CHMP4C: variants seen among roughly 807,000 people sequenced by gnomAD.
CHMP4C encodes SNF7 homolog associated with Alix 3.
In CHMP4C, 28 loss-of-function variants were observed where a neutral mutation model predicts 29.0. That is an observed-to-expected ratio of 0.97 (90% CI 0.72 to 1.32). The LOEUF is 1.32. CHMP4C is among the 40% of genes most tolerant of loss of function. The probability of loss-of-function intolerance (pLI) is 0.00; values close to 1 mark genes in which losing one functional copy is unlikely to be tolerated. For synonymous variants in CHMP4C, 106 were observed against 102.4 expected, an observed-to-expected ratio of 1.04 and a Z score of -0.21; for missense variants, 291 against 281.0, an observed-to-expected ratio of 1.04 and a Z score of -0.25.
chr8:81,737,269 G>A (rs1417438955), intron 1 of CHMP4C, among the ~76,000 whole-genome samples: 1 of 152,158 alleles, frequency 6.6e-6, no homozygotes, highest in Non-Finnish European at 1.5e-5. Flanking sequence ...TGACTGGAGT[G>A]GGGATCAGGC....
At chr8:81,757,402 T>C (rs1177768909) in intron 3 of CHMP4C, among the ~76,000 whole-genome samples, 2 of 152,188 alleles carry the variant, frequency 1.3e-5, no homozygotes, top group African/African-American at 4.8e-5. Flanking sequence ...TCCCAAATTC[T>C]CTCTGAGAGG....
At chr8:81,740,236 G>A (rs1260113458) in intron 1 of CHMP4C, among the ~76,000 whole-genome samples, 1 of 152,184 alleles carries the variant, frequency 6.6e-6, no homozygotes, top group Non-Finnish European at 1.5e-5. Context: ...CAACCCTTTT[G>A]GCACCAGGGA....
At chr8:81,754,804 G>A (rs1279726841) in intron 2 of CHMP4C, among the ~76,000 whole-genome samples, 1 of 152,170 alleles carries the variant, frequency 6.6e-6, no homozygotes, top group Non-Finnish European at 1.5e-5. Flanking sequence ...TAATTCTTCT[G>A]AGGGCTGTAT....
intron 1 of CHMP4C, among the ~76,000 whole-genome samples, chr8:81,741,037 G>A (rs1380707653): frequency 3.3e-5 from 5 of 152,152 alleles, no homozygotes; most frequent in Admixed American, 6.5e-5. Flanking sequence ...CTTCTAACTC[G>A]TCAGAAACTG....
At chr8:81,739,418 T>TGG (rs66536613) in intron 1 of CHMP4C, among the ~76,000 whole-genome samples, 49,600 of 93,008 alleles carry the variant, frequency 0.53, 13,026 homozygotes, top group Admixed American at 0.62. Flanking sequence ...TGGGGGATTG[T>TGG]GGGGGGGGGT....
intron 1 of CHMP4C, among the ~76,000 whole-genome samples, chr8:81,750,982 A>T (rs901778405): frequency 4.6e-5 from 7 of 152,166 alleles, no homozygotes; most frequent in Non-Finnish European, 7.4e-5. Flanking sequence ...AAAAGAGATT[A>T]TTTGCAAAGG....
intron 1 of CHMP4C, 43 bp from the exon 2 acceptor site, chr8:81,753,021 T>C (rs374422729): frequency 5.5e-5 from 83 of 1,520,446 alleles, no homozygotes; most frequent in Non-Finnish European, 6.7e-5. Flanking sequence ...TGATTTAGTG[T>C]CTCTTTCTCT....
At chr8:81,741,682 A>T (rs933874787) in intron 1 of CHMP4C, among the ~76,000 whole-genome samples, 1 of 152,170 alleles carries the variant, frequency 6.6e-6, no homozygotes. Context: ...ATCTATTTGT[A>T]CTTTTAAGGA....
chr8:81,758,405 G>T, intron 4 of CHMP4C, 75 bp from the exon 5 acceptor site: 1 of 1,539,564 alleles, frequency 6.5e-7, no homozygotes, highest in Middle Eastern at 1.7e-4. Context: ...ATTTTTATAT[G>T]TAATTCATAC....
At chr8:81,744,364 C>CT (rs1445760219) in intron 1 of CHMP4C, among the ~76,000 whole-genome samples, 2 of 152,090 alleles carry the variant, frequency 1.3e-5, no homozygotes, top group African/African-American at 4.8e-5. Context: ...TGTGTAATAC[C>CT]TTTTTCATCA....
chr8:81,743,493 T>C (rs1393543237), intron 1 of CHMP4C, among the ~76,000 whole-genome samples: 1 of 152,078 alleles, frequency 6.6e-6, no homozygotes, highest in African/African-American at 2.4e-5. Flanking sequence ...CTGACTGGTA[T>C]CAAACAATTA....
chr8:81,737,974 C>T (rs1040303101), intron 1 of CHMP4C, among the ~76,000 whole-genome samples: 1 of 152,188 alleles, frequency 6.6e-6, no homozygotes, highest in African/African-American at 2.4e-5. Context: ...TCTCCTGTTC[C>T]TTGCCTACCT....
intron 1 of CHMP4C, among the ~76,000 whole-genome samples, chr8:81,737,143 G>A (rs1461857510): frequency 6.6e-6 from 1 of 152,146 alleles, no homozygotes; most frequent in Non-Finnish European, 1.5e-5. Flanking sequence ...AATCTACTTT[G>A]TGGAAAAGCT....
In CHMP4C at chr8:81,755,355, A is replaced by C; in HGVS notation, c.369-15A>C. On this transcript the variant is annotated splice_polypyrimidine_tract_variant and intron_variant, in intron 2 of 4. Transcript: ENST00000297265. ...GTTAAAATTCTAAAATGTTCAACAAAATATGATTTCCCAGGGATCTGAACA... is the reference window on the plus strand; with the variant it reads ...GTTAAAATTCTAAAATGTTCAACAACATATGATTTCCCAGGGATCTGAACA... 1 of 1,459,202 alleles carries C rather than the reference A, an allele frequency of 6.9e-7. No individual in the cohort carries two copies. The highest frequency in any genetic ancestry group is 9.5e-7 in the Non-Finnish European group (1 of 1,052,982). The allele number at this position is 1,459,202 out of a possible 1,614,324, so 90.4% of individuals were successfully genotyped here.
At chr8:81,739,421 G>GGGGGC (rs1554592459) in intron 1 of CHMP4C, among the ~76,000 whole-genome samples, 2 of 140,834 alleles carry the variant, frequency 1.4e-5, no homozygotes, top group South Asian at 2.4e-4. Context: ...GGGATTGTGG[G>GGGGGC]GGGGGGTGGA....
rs113653252 is a variant in CHMP4C, at chr8:81,739,418, T to TCG, written c.190+6602_190+6603insCG. On this transcript the variant is annotated intron_variant, in intron 1 of 4. Coordinates refer to ENST00000297265, the MANE Select transcript of CHMP4C (RefSeq NM_152284.4). ...CGGTATTCTAAGGCCTGGGGGATTG[T>TCG]GGGGGGGGGTGGAAAAAAAAAAAGT... Among the ~76,000 whole-genome samples the TCG allele has an allele frequency of 5.3e-5, 5 of 93,578 alleles. No individual in the cohort carries two copies. The South Asian group carries it at 2.2e-3, about 41-fold the overall frequency. The allele number at this position is 93,578 out of a possible 152,430, so 61.4% of individuals were successfully genotyped here. A position where few individuals can be genotyped will look rare whatever the true frequency, so the allele number is the denominator to read the frequency against.
chr8:81,754,982 C>T (rs1356241921), intron 2 of CHMP4C, among the ~76,000 whole-genome samples: 3 of 152,058 alleles, frequency 2.0e-5, no homozygotes, highest in Non-Finnish European at 4.4e-5. Flanking sequence ...CTAAAAGCTG[C>T]CAAAGCTCAT....
rs769924234 is a variant in CHMP4C at position 81,758,580 on chromosome 8, T to C, written c.*36T>C. On this transcript the variant is annotated 3_prime_UTR_variant, in exon 5 of 5. Transcript: ENST00000297265. The stretch of plus-strand genomic sequence containing the variant: ...ATTTTTGATACCTAAATTAATGAGC[T>C]ATAGATAAAATATAAAAAATGTTTT... The C allele has an allele frequency of 4.1e-5, 55 of 1,337,444 alleles. No homozygotes were observed. The highest frequency in any genetic ancestry group is 1.9e-4 in the South Asian group (16 of 82,760). The allele number at this position is 1,337,444 out of a possible 1,614,324, so 82.8% of individuals were successfully genotyped here.
At chr8:81,742,576 T>G (rs1808774319) in intron 1 of CHMP4C, among the ~76,000 whole-genome samples, 1 of 152,180 alleles carries the variant, frequency 6.6e-6, no homozygotes, top group Non-Finnish European at 1.5e-5. Context: ...TCTTTTTGGC[T>G]CTATCACATG....
Sources: allele counts gnomAD v4.1 joint callset (sites outside exome capture counted in the v4.1 genomes callset), GRCh38; gene constraint gnomAD v4.1.1; transcripts MANE v1.5; gene names NCBI Gene and HGNC (gene_info 2026-07-23, HGNC 2026-07-21).